Variants in ASIC2 observed in about 807,000 individuals in gnomAD.
The protein encoded by ASIC2 is acid sensing ion channel subunit 2, also known as acid-sensing ion channel 2.
A neutral mutation model predicts 57.3 loss-of-function variants in ASIC2; 25 were observed. That is an observed-to-expected ratio of 0.44 (90% CI 0.32 to 0.61). ASIC2 has a LOEUF of 0.61. Ranked by LOEUF, ASIC2 falls within the 20% of genes least tolerant of loss-of-function variation. The probability of loss-of-function intolerance (pLI) is 0.06; values close to 1 mark genes in which losing one functional copy is unlikely to be tolerated. For missense variants in ASIC2, 641 were observed against 738.1 expected (o/e 0.87, Z 1.52); for synonymous variants, 319 against 307.5 (o/e 1.04, Z -0.39).
At chr17:33,944,631 T>C (rs1171617932) in intron 1 of ASIC2, among the ~76,000 whole-genome samples, 1 of 152,226 alleles carries the variant, frequency 6.6e-6, no homozygotes, top group Non-Finnish European at 1.5e-5. Context: ...GTCTCTGAGC[T>C]GTGCTTTCTT....
intron 1 of ASIC2, among the ~76,000 whole-genome samples, chr17:33,973,424 G>A (rs972545225): frequency 1.8e-4 from 28 of 152,288 alleles, no homozygotes; most frequent in Admixed American, 2.6e-4. Flanking sequence ...AAGAGCCCTG[G>A]CAGAATGGCC....
intron 1 of ASIC2, among the ~76,000 whole-genome samples, chr17:34,141,149 C>A (rs1912260838): frequency 1.0e-5 from 1 of 100,018 alleles, no homozygotes. Flanking sequence ...AGATGACTGG[C>A]CTTGAATTAT....
intron 1 of ASIC2, among the ~76,000 whole-genome samples, chr17:33,502,202 A>C (rs986079657): frequency 2.6e-5 from 4 of 152,122 alleles, no homozygotes; most frequent in Non-Finnish European, 5.9e-5. Context: ...ATTCTCTATA[A>C]AAAGGGGATG....
chr17:33,371,572 C>T (rs564551990), intron 1 of ASIC2, among the ~76,000 whole-genome samples: 5 of 152,302 alleles, frequency 3.3e-5, no homozygotes, highest in East Asian at 1.9e-4. Context: ...ATCTGTGTGA[C>T]GTAGTCTTAT....
chr17:33,345,109 A>T (rs773956634), intron 1 of ASIC2, among the ~76,000 whole-genome samples: 2 of 152,224 alleles, frequency 1.3e-5, no homozygotes, highest in Non-Finnish European at 2.9e-5. Context: ...ATGTGCAGAT[A>T]AGGCTCATTT....
At chr17:33,338,154 G>A (rs567405686) in intron 1 of ASIC2, among the ~76,000 whole-genome samples, 60 of 148,332 alleles carry the variant, frequency 4.0e-4, no homozygotes, top group Non-Finnish European at 6.7e-4. Context: ...CTTCTGAGAT[G>A]TTCTGTAATG....
At chr17:33,776,839 C>T (rs1405368568) in intron 1 of ASIC2, among the ~76,000 whole-genome samples, 1 of 152,212 alleles carries the variant, frequency 6.6e-6, no homozygotes, top group African/African-American at 2.4e-5. Flanking sequence ...TATTCGTTAG[C>T]ACAGGAATGC....
chr17:33,075,497 G>A (rs2092085864), intron 3 of ASIC2, among the ~76,000 whole-genome samples: 1 of 152,146 alleles, frequency 6.6e-6, no homozygotes, highest in South Asian at 2.1e-4. Context: ...CCAGAAATGT[G>A]TTCAGGAAAG....
intron 1 of ASIC2, chr17:34,118,721 C>T (rs1567828550): frequency 6.6e-6 from 1 of 152,240 alleles, no homozygotes; most frequent in Non-Finnish European, 1.5e-5. Context: ...CCAGCTGAGT[C>T]ACTCCTTCCC....
At chr17:33,202,456 A>G (rs1906905656) in intron 1 of ASIC2, among the ~76,000 whole-genome samples, 1 of 152,024 alleles carries the variant, frequency 6.6e-6, no homozygotes, top group Non-Finnish European at 1.5e-5. Context: ...TGTAGGGCTC[A>G]GAGACCTCAT....
chr17:33,712,431 A>C (rs77378303), intron 1 of ASIC2, among the ~76,000 whole-genome samples: 1 of 152,168 alleles, frequency 6.6e-6, no homozygotes, highest in African/African-American at 2.4e-5. Context: ...GCTGCATAAC[A>C]ATTTGCCCCC....
chr17:33,085,422 T>C (rs2092130801), intron 3 of ASIC2, among the ~76,000 whole-genome samples: 1 of 152,222 alleles, frequency 6.6e-6, no homozygotes, highest in Non-Finnish European at 1.5e-5. Flanking sequence ...TAACAATCAA[T>C]GAAATGAAGT....
At chr17:33,093,597 C>A (rs978615244) in intron 2 of ASIC2, among the ~76,000 whole-genome samples, 7 of 152,082 alleles carry the variant, frequency 4.6e-5, no homozygotes, top group African/African-American at 1.7e-4. Context: ...AGATGGAGTT[C>A]AGCCTGCAGA....
intron 1 of ASIC2, among the ~76,000 whole-genome samples, chr17:34,007,792 C>T (rs892459688): frequency 2.0e-5 from 3 of 152,190 alleles, no homozygotes; most frequent in Admixed American, 6.5e-5. Context: ...GCAGGGTGTT[C>T]CCAAAAGCAT....
At chr17:33,377,729 AC>A (rs900197331) in intron 1 of ASIC2, among the ~76,000 whole-genome samples, 2 of 152,134 alleles carry the variant, frequency 1.3e-5, no homozygotes, top group African/African-American at 4.8e-5. Context: ...CTCTGTGAAG[AC>A]TTTTTATGTC....
At chr17:33,016,793 A>C (rs2091808279) in intron 8 of ASIC2, among the ~76,000 whole-genome samples, 1 of 151,980 alleles carries the variant, frequency 6.6e-6, no homozygotes, top group Non-Finnish European at 1.5e-5. Context: ...TCATAGGTCC[A>C]GGCATTCTTT....
intron 1 of ASIC2, among the ~76,000 whole-genome samples, chr17:33,486,006 G>A (rs543787416): frequency 2.6e-5 from 4 of 152,218 alleles, no homozygotes; most frequent in African/African-American, 7.2e-5. Context: ...CCCGCCTCAC[G>A]GCTGTGCCTA....
At chr17:33,691,917 A>G (rs1908383320) in intron 1 of ASIC2, among the ~76,000 whole-genome samples, 1 of 152,202 alleles carries the variant, frequency 6.6e-6, no homozygotes, top group East Asian at 1.9e-4. Context: ...TGATTTTGTC[A>G]TTGTGATAAC....
At position 33,596,262 on chromosome 17, in the gene ASIC2, T is replaced by G. The variant is rs535053853; in HGVS notation, c.556-484195A>C. Among the ~76,000 whole-genome samples the G allele has an allele frequency of 4.6e-5, 7 of 152,294 alleles. No homozygotes were observed. The South Asian group carries it at 1.5e-3, about 32-fold the overall frequency. ...ATCAACATGTAGGCATGAAATGACT[T>G]TGTGACATGCTTTATTTTGTTTGTA... is the stretch of plus-strand genomic sequence containing the variant. On this transcript the variant is annotated intron_variant, in intron 1 of 9. Coordinates refer to the ASIC2 transcript ENST00000359872.
Sources: allele counts gnomAD v4.1 joint callset (sites outside exome capture counted in the v4.1 genomes callset), GRCh38; gene constraint gnomAD v4.1.1; transcripts MANE v1.5; gene names NCBI Gene and HGNC (gene_info 2026-07-23, HGNC 2026-07-21).